Variants in DOP1B observed in about 807,000 individuals in gnomAD.
The protein encoded by DOP1B is DOP1 leucine zipper like protein B.
A neutral mutation model predicts 233.5 loss-of-function variants in DOP1B; 174 were observed. The ratio of observed to expected loss-of-function variants is 0.75; its 90% CI spans 0.66 to 0.85. The LOEUF (loss-of-function observed/expected upper bound fraction) is 0.85. Among genes scored for constraint, DOP1B ranks in the 40% least tolerant of loss-of-function variants. The probability of loss-of-function intolerance (pLI) is 0.00; values close to 1 mark genes in which losing one functional copy is unlikely to be tolerated. For synonymous variants in DOP1B, 1,190 were observed against 1,185.6 expected (o/e 1.00, Z -0.08); for missense variants, 2,652 against 2,846.6 (o/e 0.93, Z 1.56).
chr21:36,208,007 T>C (rs1230288673), intron 4 of DOP1B, among the ~76,000 whole-genome samples: 1 of 152,156 alleles, frequency 6.6e-6, no homozygotes, highest in Non-Finnish European at 1.5e-5. Flanking sequence ...CTTAAAAGGA[T>C]GCATGAGAAG....
At chr21:36,172,844 C>T (rs955366741) in intron 2 of DOP1B, among the ~76,000 whole-genome samples, 2 of 151,310 alleles carry the variant, frequency 1.3e-5, no homozygotes, top group African/African-American at 2.4e-5. Context: ...TTGGGCGGGG[C>T]GCAGTAGCTC....
intron 1 of DOP1B, among the ~76,000 whole-genome samples, chr21:36,160,918 G>A (rs2123380842): frequency 6.6e-6 from 1 of 152,360 alleles, no homozygotes; most frequent in South Asian, 2.1e-4. Flanking sequence ...CAAACATGCA[G>A]GCAACAGGCA....
intron 18 of DOP1B, among the ~76,000 whole-genome samples, chr21:36,242,132 A>G (rs1254901699): frequency 7.1e-6 from 1 of 140,576 alleles, no homozygotes; most frequent in African/African-American, 2.6e-5. Flanking sequence ...GGAAAGCTCT[A>G]TCTCCACAGT....
chr21:36,269,923 A>C, intron 26 of DOP1B, 90 bp from the exon 27 acceptor site: 1 of 1,377,856 alleles, frequency 7.3e-7, no homozygotes, highest in Non-Finnish European at 1.0e-6. Context: ...TGTGGCCTGC[A>C]TTTTATTTCT....
chr21:36,234,523 C>A (rs1188818500), intron 15 of DOP1B, among the ~76,000 whole-genome samples: 1 of 151,788 alleles, frequency 6.6e-6, no homozygotes, highest in Non-Finnish European at 1.5e-5. Context: ...CAAGTACTTA[C>A]CATTTGCCTG....
chr21:36,221,107 G>A (rs1420065056), intron 10 of DOP1B, among the ~76,000 whole-genome samples: 2 of 152,070 alleles, frequency 1.3e-5, no homozygotes, highest in Admixed American at 6.6e-5. Flanking sequence ...CACTGTGCCC[G>A]GCCACTGCTT....
At chr21:36,283,932 G>A (rs2067448680) in intron 32 of DOP1B, among the ~76,000 whole-genome samples, 3 of 134,596 alleles carry the variant, frequency 2.2e-5, no homozygotes, top group African/African-American at 8.4e-5. Flanking sequence ...GCAGACACCT[G>A]TTCCTTTTTT....
intron 16 of DOP1B, among the ~76,000 whole-genome samples, chr21:36,238,251 T>C (rs1379307703): frequency 6.6e-6 from 1 of 152,208 alleles, no homozygotes; most frequent in Admixed American, 6.5e-5. Context: ...TGGGTCTCCT[T>C]TCCAGTCTGT....
Position 36,199,147 on chromosome 21 carries a change from C to T in DOP1B, c.216C>T (p.His72=), listed in dbSNP as rs753500453. Residue 72 remains histidine (H), a synonymous_variant, in exon 3 of 37, where the codon CAC becomes CAT. Coordinates refer to ENST00000691173, the MANE Select transcript of DOP1B (RefSeq NM_001320714.2). ...GCAAAAGATTAGCTCAGTGTTTGCA[C>T]CCTGCCCTGCCCAGTGGTGTCCACT... ...LISKRLAQCL[H]PALPSGVHLK... is the part of the protein sequence containing the mutation. 3.1e-6 allele frequency: 5 copies of T among 1,614,146 alleles called. No individual in the cohort carries two copies. Among genetic ancestry groups the T allele is most frequent in the South Asian group, 1.1e-5 (1 of 91,078 alleles).
chr21:36,264,800 G>A (rs1471128632), intron 26 of DOP1B, among the ~76,000 whole-genome samples: 2 of 152,060 alleles, frequency 1.3e-5, no homozygotes, highest in Middle Eastern at 3.4e-3. Context: ...TTCCTTAAAC[G>A]CCTTATCCCC....
intron 9 of DOP1B, among the ~76,000 whole-genome samples, chr21:36,215,750 C>T (rs865791855): frequency 1.3e-5 from 2 of 150,436 alleles, no homozygotes; most frequent in Middle Eastern, 3.4e-3. Context: ...CACGGTGGCT[C>T]ACACCTGTGA....
intron 25 of DOP1B, 36 bp downstream of exon 25, chr21:36,263,686 T>C (rs2067200906): frequency 6.2e-7 from 1 of 1,613,158 alleles, no homozygotes; most frequent in Non-Finnish European, 8.5e-7. Context: ...TGTAATATTT[T>C]CTCTTGGCAC....
chr21:36,234,713 G>A (rs549873160), intron 15 of DOP1B, among the ~76,000 whole-genome samples: 1 of 152,116 alleles, frequency 6.6e-6, no homozygotes, highest in South Asian at 2.1e-4. Context: ...GCTAATTTTT[G>A]TATTTTTAGT....
intron 27 of DOP1B, among the ~76,000 whole-genome samples, chr21:36,270,501 C>T (rs1033571507): frequency 1.6e-5 from 2 of 128,238 alleles, no homozygotes; most frequent in Admixed American, 1.0e-4. Context: ...TGCAGTGAGC[C>T]GAGATCACGC....
At chr21:36,176,167 C>G (rs1468326076) in intron 2 of DOP1B, among the ~76,000 whole-genome samples, 2 of 149,186 alleles carry the variant, frequency 1.3e-5, no homozygotes, top group African/African-American at 5.0e-5. Context: ...GGAAAGCGTT[C>G]CAGGTGATTT....
intron 2 of DOP1B, among the ~76,000 whole-genome samples, chr21:36,190,259 A>C (rs2123451461): frequency 6.6e-6 from 1 of 151,964 alleles, no homozygotes; most frequent in Middle Eastern, 3.4e-3. Context: ...CAGGAGGCGG[A>C]GGTTGCAGTG....
chr21:36,257,860 GAGAT>G (rs1269198694), intron 23 of DOP1B, among the ~76,000 whole-genome samples: 8 of 150,678 alleles, frequency 5.3e-5, no homozygotes, highest in Non-Finnish European at 8.8e-5. Context: ...GGTAGGTAGA[GAGAT>G]AGATGTAGGT....
At chr21:36,162,701 A>G (rs776864660) in intron 1 of DOP1B, among the ~76,000 whole-genome samples, 1 of 151,858 alleles carries the variant, frequency 6.6e-6, no homozygotes, top group Non-Finnish European at 1.5e-5. Flanking sequence ...CACCATGCCC[A>G]GCTATTTTTT....
intron 5 of DOP1B, among the ~76,000 whole-genome samples, chr21:36,210,253 A>G (rs750002006): frequency 1.2e-4 from 18 of 152,154 alleles, no homozygotes; most frequent in Non-Finnish European, 2.4e-4. Context: ...CATGCCTGTA[A>G]TCTCAGCACT....
Sources: allele counts gnomAD v4.1 joint callset (sites outside exome capture counted in the v4.1 genomes callset), GRCh38; gene constraint gnomAD v4.1.1; transcripts MANE v1.5; gene names NCBI Gene and HGNC (gene_info 2026-07-23, HGNC 2026-07-21).